The following PTPRD variants were observed in gnomAD, a reference collection of about 807,000 sequenced individuals.
PTPRD encodes protein tyrosine phosphatase receptor type D.
A neutral mutation model predicts 214.5 loss-of-function variants in PTPRD; 34 were observed. The ratio of observed to expected loss-of-function variants is 0.16; its 90% CI spans 0.12 to 0.21. The LOEUF is 0.21. PTPRD is among the 10% of genes least tolerant of loss of function. The probability of loss-of-function intolerance (pLI) is 1.00; values close to 1 mark genes in which losing one functional copy is unlikely to be tolerated. For missense variants in PTPRD, 2,545 were observed against 2,398.7 expected (o/e 1.06, Z -1.27); for synonymous variants, 1,128 against 845.7 (o/e 1.33, Z -5.79).
chr9:10,605,564 G>C (rs1286347486), intron 2 of PTPRD, among the ~76,000 whole-genome samples: 1 of 151,692 alleles, frequency 6.6e-6, no homozygotes, highest in Non-Finnish European at 1.5e-5. Context: ...TGCCTAATAA[G>C]CAACACAGCT....
intron 11 of PTPRD, among the ~76,000 whole-genome samples, chr9:8,942,804 A>G (rs2099041623): frequency 6.6e-6 from 1 of 152,060 alleles, no homozygotes; most frequent in Non-Finnish European, 1.5e-5. Context: ...CTCAGTCACA[A>G]TTTTTTAAAA....
At chr9:9,002,063 A>C (rs2099423742) in intron 11 of PTPRD, among the ~76,000 whole-genome samples, 1 of 151,798 alleles carries the variant, frequency 6.6e-6, no homozygotes, top group Non-Finnish European at 1.5e-5. Flanking sequence ...CTGAAACTCT[A>C]ATCAAATCAC....
chr9:9,079,904 G>A (rs994597378), intron 10 of PTPRD, among the ~76,000 whole-genome samples: 2 of 152,014 alleles, frequency 1.3e-5, no homozygotes, highest in African/African-American at 4.8e-5. Flanking sequence ...TGTGTTGCTG[G>A]AATAAGGGTG....
At chr9:10,434,225 A>C (rs1165906526) in intron 2 of PTPRD, among the ~76,000 whole-genome samples, 3 of 151,792 alleles carry the variant, frequency 2.0e-5, no homozygotes, top group Non-Finnish European at 2.9e-5. Flanking sequence ...CATATGCATC[A>C]CTCAGTCTCC....
At chr9:9,988,212 T>C (rs1006208796) in intron 4 of PTPRD, among the ~76,000 whole-genome samples, 2 of 152,214 alleles carry the variant, frequency 1.3e-5, no homozygotes, top group African/African-American at 4.8e-5. Context: ...ATCAATATGA[T>C]AAAGCAAAAC....
chr9:8,474,814 C>G (rs568173851), intron 30 of PTPRD, among the ~76,000 whole-genome samples: 1 of 152,328 alleles, frequency 6.6e-6, no homozygotes, highest in East Asian at 1.9e-4. Context: ...GATCTGTAAA[C>G]AAACCACACA....
intron 7 of PTPRD, among the ~76,000 whole-genome samples, chr9:9,609,759 G>A (rs1163308198): frequency 1.3e-5 from 2 of 152,238 alleles, no homozygotes; most frequent in South Asian, 2.1e-4. Context: ...CACCGCACCT[G>A]GCACAATGTG....
At chr9:10,323,260 C>A (rs1597104640) in intron 3 of PTPRD, among the ~76,000 whole-genome samples, 1 of 41,716 alleles carries the variant, frequency 2.4e-5, no homozygotes, top group Non-Finnish European at 4.4e-5. Flanking sequence ...CTTCCCTTCT[C>A]TCCCCTCCCC....
intron 7 of PTPRD, among the ~76,000 whole-genome samples, chr9:9,688,372 A>C (rs545993756): frequency 6.6e-6 from 1 of 151,962 alleles, no homozygotes; most frequent in South Asian, 2.1e-4. Flanking sequence ...TGTTTATGCC[A>C]ATGTACCTAG....
At chr9:9,341,984 T>G (rs943685912) in intron 9 of PTPRD, among the ~76,000 whole-genome samples, 1 of 151,980 alleles carries the variant, frequency 6.6e-6, no homozygotes, top group African/African-American at 2.4e-5. Flanking sequence ...ATTTTTTATA[T>G]TTTTAGTAGA....
chr9:10,444,854 A>T (rs1303726003), intron 2 of PTPRD, among the ~76,000 whole-genome samples: 2 of 152,004 alleles, frequency 1.3e-5, no homozygotes, highest in African/African-American at 2.4e-5. Flanking sequence ...TCTAATTTTT[A>T]AAATTGTTTC....
chr9:9,430,002 T>C (rs1258423709), intron 8 of PTPRD, among the ~76,000 whole-genome samples: 1 of 152,180 alleles, frequency 6.6e-6, no homozygotes, highest in Non-Finnish European at 1.5e-5. Context: ...AAGACAGGGA[T>C]GCCCTCTCTC....
At chr9:9,627,123 G>C (rs10977887) in intron 7 of PTPRD, among the ~76,000 whole-genome samples, 1 of 152,002 alleles carries the variant, frequency 6.6e-6, no homozygotes, top group African/African-American at 2.4e-5. Flanking sequence ...AGACCAGCCT[G>C]GCCAACATGG....
chr9:10,238,295 C>G (rs765451997), intron 3 of PTPRD, among the ~76,000 whole-genome samples: 1 of 151,888 alleles, frequency 6.6e-6, no homozygotes, highest in Non-Finnish European at 1.5e-5. Flanking sequence ...CTAATAGCTA[C>G]TGAGACAACC....
chr9:9,835,277 C>T (rs1311514105), intron 5 of PTPRD, among the ~76,000 whole-genome samples: 1 of 152,060 alleles, frequency 6.6e-6, no homozygotes, highest in African/African-American at 2.4e-5. Context: ...CATGAGATAA[C>T]CATACAACCC....
chr9:8,431,418 G>C (rs903628651), intron 35 of PTPRD, among the ~76,000 whole-genome samples: 8 of 152,044 alleles, frequency 5.3e-5, no homozygotes, highest in South Asian at 2.1e-4. Flanking sequence ...AGTTCTTAAT[G>C]TGTACCTTTA....
intron 8 of PTPRD, among the ~76,000 whole-genome samples, chr9:9,461,933 G>T (rs2093695554): frequency 6.6e-6 from 1 of 151,916 alleles, no homozygotes; most frequent in African/African-American, 2.4e-5. Context: ...ATTTAAATTG[G>T]GACTTCTACC....
intron 9 of PTPRD, among the ~76,000 whole-genome samples, chr9:9,358,897 G>T (rs1439028330): frequency 1.3e-5 from 2 of 151,310 alleles, no homozygotes; most frequent in Non-Finnish European, 3.0e-5. Flanking sequence ...AAAGTTGATT[G>T]CATCCAACCT....
intron 3 of PTPRD, among the ~76,000 whole-genome samples, chr9:10,266,632 A>G (rs1246258244): frequency 2.6e-5 from 4 of 152,212 alleles, no homozygotes; most frequent in Non-Finnish European, 5.9e-5. Flanking sequence ...GAAAGTGGAT[A>G]GGAGAGAATG....
Sources: gnomAD v4.1 joint callset for allele counts (sites outside exome capture counted in the v4.1 genomes callset) on GRCh38, gnomAD v4.1.1 for gene constraint, MANE v1.5 for transcripts, NCBI Gene and HGNC (gene_info 2026-07-23, HGNC 2026-07-21) for gene names.